Variants in NTRK3 observed in about 807,000 individuals in gnomAD.
NTRK3 encodes neurotrophic receptor tyrosine kinase 3.
Under a neutral mutation model 91.7 loss-of-function variants are expected in NTRK3, and 24 were observed. That is an observed-to-expected ratio of 0.26 (90% CI 0.19 to 0.37). The LOEUF is 0.37. Among genes scored for constraint, NTRK3 ranks in the 10% least tolerant of loss-of-function variants. The pLI, the probability that NTRK3 is intolerant of heterozygous loss-of-function variation, is 1.00. For missense variants in NTRK3, 880 were observed against 1,068.9 expected (o/e 0.82, Z 2.46); for synonymous variants, 483 against 404.0 (o/e 1.20, Z -2.34).
intron 3 of NTRK3, among the ~76,000 whole-genome samples, chr15:88,249,425 G>C (rs1226366092): frequency 6.6e-6 from 1 of 152,204 alleles, no homozygotes. Context: ...CTTTGACAAA[G>C]TGCCCAGAAC....
At chr15:88,132,826 C>A (rs115254597) in intron 10 of NTRK3, among the ~76,000 whole-genome samples, 2 of 152,166 alleles carry the variant, frequency 1.3e-5, no homozygotes, top group Non-Finnish European at 2.9e-5. Context: ...TTAACCTAGA[C>A]TCACAAAACA....
At chr15:88,043,578 G>A (rs953760225) in intron 13 of NTRK3, among the ~76,000 whole-genome samples, 1 of 152,134 alleles carries the variant, frequency 6.6e-6, no homozygotes, top group Non-Finnish European at 1.5e-5. Flanking sequence ...TGTCCCTTTT[G>A]GCACTTGCAT....
chr15:88,041,604 C>A (rs79297429), intron 13 of NTRK3, among the ~76,000 whole-genome samples: 2,080 of 152,260 alleles, frequency 0.014, 21 homozygotes, highest in Non-Finnish European at 0.021. Flanking sequence ...CCACTCAGCC[C>A]CAGTCCCTCA....
exon 16 of NTRK3, chr15:87,933,143 C>T (rs779604028): frequency 6.2e-7 from 1 of 1,614,150 alleles, no homozygotes; most frequent in Non-Finnish European, 8.5e-7. Flanking sequence ...CGGCCTCCCT[C>T]TGGAAATCCT....
At chr15:87,889,052 T>C (rs2065708912) in intron 17 of NTRK3, among the ~76,000 whole-genome samples, 1 of 152,144 alleles carries the variant, frequency 6.6e-6, no homozygotes, top group African/African-American at 2.4e-5. Context: ...CTGTTTCTCC[T>C]TAGCATCCTC....
intron 13 of NTRK3, among the ~76,000 whole-genome samples, chr15:88,095,949 G>A (rs2049545597): frequency 6.6e-6 from 1 of 152,102 alleles, no homozygotes; most frequent in Non-Finnish European, 1.5e-5. Flanking sequence ...CTTCTGCAGT[G>A]GTCATTTGTC....
intron 13 of NTRK3, among the ~76,000 whole-genome samples, chr15:88,039,107 A>G (rs1003296128): frequency 4.1e-5 from 6 of 145,938 alleles, no homozygotes; most frequent in Non-Finnish European, 7.5e-5. Context: ...TTTGATGTCT[A>G]TTGAGCCCTC....
rs181417291 is a variant in NTRK3, at chr15:88,067,530, G to C, written c.1397-34485C>G. On this transcript the variant is annotated intron_variant, in intron 13 of 18. Coordinates refer to ENST00000394480, the Ensembl canonical transcript of NTRK3. ...TTAAAAGCACGATGTGATTCTACAC[G>C]TGCTCAGCAGCTAAATTTGTGGTGG... 2.3e-4 allele frequency among the ~76,000 whole-genome samples: 35 copies of C among 152,244 alleles called. No homozygotes were observed. In the South Asian group the frequency reaches 7.3e-3, roughly 32 times the overall value.
At position 88,108,190 on chromosome 15, in the gene NTRK3, G is replaced by C. The variant is rs536755525; in HGVS notation, c.1396+18081C>G. Among the ~76,000 whole-genome samples the C allele has an allele frequency of 2.0e-5, 3 of 152,298 alleles. No homozygotes were observed. The South Asian group carries it at 6.2e-4, about 32-fold the overall frequency. On this transcript the variant is annotated intron_variant, in intron 13 of 18. Transcript: ENST00000394480. Reference sequence around the variant, plus strand: ...CAAGGATGAAAAGTGTGCCTTGCTTGTATCTGTATCCCACAGTGCCTACCC... The same window carrying C: ...CAAGGATGAAAAGTGTGCCTTGCTTCTATCTGTATCCCACAGTGCCTACCC...
chr15:88,096,240 C>A (rs945091497), intron 13 of NTRK3, among the ~76,000 whole-genome samples: 1 of 152,126 alleles, frequency 6.6e-6, no homozygotes, highest in Non-Finnish European at 1.5e-5. Flanking sequence ...CAATCCTGAC[C>A]AGCCCTCTCC....
exon 19 of NTRK3, chr15:87,861,996 C>G: frequency 4.7e-6 from 1 of 213,584 alleles, no homozygotes; most frequent in Non-Finnish European, 9.5e-6. Flanking sequence ...GCTTTCCTAT[C>G]CCCATAGGTC....
intron 13 of NTRK3, among the ~76,000 whole-genome samples, chr15:88,104,378 A>G (rs1242277405): frequency 6.6e-6 from 1 of 152,212 alleles, no homozygotes; most frequent in African/African-American, 2.4e-5. Context: ...TCCTTAGAAC[A>G]ACGTTTATCT....
At chr15:88,003,533 G>C (rs941574721) in intron 14 of NTRK3, among the ~76,000 whole-genome samples, 1 of 152,182 alleles carries the variant, frequency 6.6e-6, no homozygotes, top group Non-Finnish European at 1.5e-5. Flanking sequence ...GGCATAGAGA[G>C]AGGTTAAGTA....
intron 14 of NTRK3, among the ~76,000 whole-genome samples, chr15:87,970,952 A>G (rs2073205694): frequency 6.6e-6 from 1 of 152,182 alleles, no homozygotes; most frequent in Admixed American, 6.5e-5. Flanking sequence ...AATTATTAAG[A>G]TGGCCAAAGA....
chr15:87,877,744 G>A (rs992535414), intron 18 of NTRK3, among the ~76,000 whole-genome samples: 1 of 151,834 alleles, frequency 6.6e-6, no homozygotes, highest in Non-Finnish European at 1.5e-5. Context: ...TTAACAATAG[G>A]ACTAACTGCT....
chr15:88,072,138 T>C (rs1327987306), intron 13 of NTRK3, among the ~76,000 whole-genome samples: 1 of 151,684 alleles, frequency 6.6e-6, no homozygotes, highest in Middle Eastern at 3.2e-3. Context: ...CCTGAGTAGC[T>C]GGGATTACAG....
intron 17 of NTRK3, among the ~76,000 whole-genome samples, chr15:87,896,998 C>T (rs1256882472): frequency 3.9e-5 from 6 of 152,188 alleles, no homozygotes; most frequent in African/African-American, 7.2e-5. Flanking sequence ...TATAGTATTG[C>T]TCCCTCAGAG....
chr15:87,916,212 C>A (rs1480283291), intron 17 of NTRK3: 2 of 270,236 alleles, frequency 7.4e-6, no homozygotes, highest in African/African-American at 2.2e-5. Flanking sequence ...ACACAACATT[C>A]TCTTTACTTG....
At chr15:88,242,276 T>A (rs181103476) in intron 3 of NTRK3, among the ~76,000 whole-genome samples, 1 of 152,234 alleles carries the variant, frequency 6.6e-6, no homozygotes, top group East Asian at 1.9e-4. Context: ...GGGGCCTCTG[T>A]GAGCAACAGC....
Sources: gnomAD v4.1 joint callset for allele counts (sites outside exome capture counted in the v4.1 genomes callset) on GRCh38, gnomAD v4.1.1 for gene constraint, MANE v1.5 for transcripts, NCBI Gene and HGNC (gene_info 2026-07-23, HGNC 2026-07-21) for gene names.